The following SPOCK3 variants were observed in gnomAD, a reference collection of about 807,000 sequenced individuals.
SPOCK3 encodes testican-3.
A neutral mutation model predicts 56.6 loss-of-function variants in SPOCK3; 30 were observed. That is an observed-to-expected ratio of 0.53 (90% CI 0.40 to 0.72). The LOEUF (loss-of-function observed/expected upper bound fraction) is 0.72. SPOCK3 is among the 30% of genes least tolerant of loss of function. The probability of loss-of-function intolerance (pLI) is 0.00; values close to 1 mark genes in which losing one functional copy is unlikely to be tolerated. For missense variants in SPOCK3, 527 were observed against 530.0 expected (o/e 0.99, Z 0.06); for synonymous variants, 196 against 183.3 (o/e 1.07, Z -0.56).
At chr4:166,976,317 T>C (rs981249343) in intron 4 of SPOCK3, among the ~76,000 whole-genome samples, 2 of 152,182 alleles carry the variant, frequency 1.3e-5, no homozygotes, top group African/African-American at 4.8e-5. Context: ...CTTTTTTTAC[T>C]TCCTGCACTG....
chr4:167,159,195 A>G (rs762838790), intron 2 of SPOCK3, among the ~76,000 whole-genome samples: 3 of 152,066 alleles, frequency 2.0e-5, no homozygotes, highest in African/African-American at 2.4e-5. Flanking sequence ...CATAACTACT[A>G]TAAGTATTAA....
At chr4:167,051,026 T>G (rs1226603158) in intron 3 of SPOCK3, among the ~76,000 whole-genome samples, 1 of 152,172 alleles carries the variant, frequency 6.6e-6, no homozygotes, top group Non-Finnish European at 1.5e-5. Context: ...CAAAACGATA[T>G]GAATGTACCT....
intron 6 of SPOCK3, among the ~76,000 whole-genome samples, chr4:166,841,598 G>T (rs1560917773): frequency 6.6e-6 from 1 of 151,902 alleles, no homozygotes; most frequent in East Asian, 1.9e-4. Context: ...TATAAATATG[G>T]CCTTCCTTAA....
intron 4 of SPOCK3, among the ~76,000 whole-genome samples, chr4:166,967,631 T>C (rs1055810796): frequency 1.3e-5 from 2 of 152,220 alleles, no homozygotes; most frequent in South Asian, 2.1e-4. Context: ...TCCCACTGTA[T>C]AGTCCATGTA....
chr4:167,059,679 G>T (rs1296848845), intron 3 of SPOCK3, among the ~76,000 whole-genome samples: 4 of 151,968 alleles, frequency 2.6e-5, no homozygotes, highest in Non-Finnish European at 4.4e-5. Context: ...TATAAATCAT[G>T]CTGCTATAAA....
At chr4:167,098,332 G>C (rs1304086650) in intron 2 of SPOCK3, among the ~76,000 whole-genome samples, 1 of 151,826 alleles carries the variant, frequency 6.6e-6, no homozygotes, top group Non-Finnish European at 1.5e-5. Flanking sequence ...CAGACTTATA[G>C]GGCTTGCCCA....
chr4:167,022,088 C>T (rs1470941344), intron 3 of SPOCK3, among the ~76,000 whole-genome samples: 2 of 151,776 alleles, frequency 1.3e-5, no homozygotes, highest in African/African-American at 2.4e-5. Flanking sequence ...AGTGTGATAC[C>T]CGAACGTCAT....
At chr4:166,996,819 A>C (rs550614433) in intron 4 of SPOCK3, among the ~76,000 whole-genome samples, 1 of 152,204 alleles carries the variant, frequency 6.6e-6, no homozygotes, top group Admixed American at 6.5e-5. Context: ...ACTATGATTC[A>C]CCTAATCATG....
intron 4 of SPOCK3, among the ~76,000 whole-genome samples, chr4:166,977,718 T>A (rs1407852688): frequency 6.6e-6 from 1 of 152,144 alleles, no homozygotes; most frequent in East Asian, 1.9e-4. Context: ...ACCTAATGCT[T>A]CTTAAATGAT....
intron 2 of SPOCK3, chr4:167,119,893 C>A: frequency 1.4e-6 from 2 of 1,446,466 alleles, no homozygotes; most frequent in Non-Finnish European, 1.8e-6. Flanking sequence ...CCAAAGGTTT[C>A]AACCAAAAAA....
At chr4:166,846,894 G>A (rs574786599) in intron 6 of SPOCK3, among the ~76,000 whole-genome samples, 8 of 152,034 alleles carry the variant, frequency 5.3e-5, no homozygotes, top group Non-Finnish European at 1.2e-4. Context: ...ACACAAAACA[G>A]TATCAACCCA....
intron 6 of SPOCK3, among the ~76,000 whole-genome samples, chr4:166,881,184 T>C (rs1305857270): frequency 1.3e-5 from 2 of 152,042 alleles, no homozygotes; most frequent in African/African-American, 4.8e-5. Flanking sequence ...AGGCATAGTT[T>C]ACATTAACAT....
At chr4:167,122,925 G>A (rs1317461077) in intron 2 of SPOCK3, among the ~76,000 whole-genome samples, 8 of 151,216 alleles carry the variant, frequency 5.3e-5, no homozygotes, top group African/African-American at 1.7e-4. Flanking sequence ...TTAAAATAAC[G>A]GTAACTAGCA....
chr4:167,066,038 T>C (rs1756095479), intron 2 of SPOCK3, among the ~76,000 whole-genome samples: 1 of 151,940 alleles, frequency 6.6e-6, no homozygotes, highest in African/African-American at 2.4e-5. Context: ...TGCCTACTTC[T>C]TGTACTTACA....
intron 3 of SPOCK3, among the ~76,000 whole-genome samples, chr4:167,001,985 G>A (rs1748995511): frequency 6.6e-6 from 1 of 152,012 alleles, no homozygotes. Flanking sequence ...TTGAGACAGA[G>A]TTTCTCTCTG....
intron 7 of SPOCK3, among the ~76,000 whole-genome samples, chr4:166,789,509 A>C (rs1470293261): frequency 6.6e-6 from 1 of 152,254 alleles, no homozygotes; most frequent in South Asian, 2.1e-4. Context: ...AAAAATCAAA[A>C]CCAAACTATG....
intron 7 of SPOCK3, among the ~76,000 whole-genome samples, chr4:166,780,473 G>A (rs1740040703): frequency 6.6e-6 from 1 of 152,034 alleles, no homozygotes; most frequent in Admixed American, 6.6e-5. Context: ...AAGCTGCTGT[G>A]GGAAAGGTAT....
intron 2 of SPOCK3, among the ~76,000 whole-genome samples, chr4:167,070,436 A>G (rs1756561023): frequency 6.6e-6 from 1 of 151,864 alleles, no homozygotes; most frequent in African/African-American, 2.4e-5. Context: ...AGAAATATAA[A>G]TAATATAATG....
At chr4:166,880,265 T>C (rs2126977549) in intron 6 of SPOCK3, among the ~76,000 whole-genome samples, 1 of 152,302 alleles carries the variant, frequency 6.6e-6, no homozygotes, top group African/African-American at 2.4e-5. Context: ...ATTCCTTCTG[T>C]AGTCAAGAGT....
Sources: gnomAD v4.1 joint callset for allele counts (sites outside exome capture counted in the v4.1 genomes callset) on GRCh38, gnomAD v4.1.1 for gene constraint, MANE v1.5 for transcripts, NCBI Gene and HGNC (gene_info 2026-07-23, HGNC 2026-07-21) for gene names.